UBE2H: variants seen among roughly 807,000 people sequenced by gnomAD.
The protein encoded by UBE2H is ubiquitin conjugating enzyme E2 H.
UBE2H carries 3 observed loss-of-function variants against 29.0 expected under a neutral mutation model. The observed-to-expected ratio is 0.10, with a 90% CI of 0.05 to 0.27. The LOEUF (loss-of-function observed/expected upper bound fraction) is 0.27, where lower values mean the gene tolerates loss of function less well. UBE2H is among the 10% of genes least tolerant of loss of function. The probability of loss-of-function intolerance (pLI) is 1.00; values close to 1 mark genes in which losing one functional copy is unlikely to be tolerated. For missense variants in UBE2H, 68 were observed against 228.2 expected (o/e 0.30, Z 4.52); for synonymous variants, 69 against 82.9 (o/e 0.83, Z 0.91).
intron 5 of UBE2H, among the ~76,000 whole-genome samples, chr7:129,854,145 G>T (rs1340948336): frequency 1.3e-5 from 2 of 150,046 alleles, no homozygotes; most frequent in Admixed American, 1.3e-4. Flanking sequence ...ACCACTGCAG[G>T]AAATGAAGTG....
intron 3 of UBE2H, among the ~76,000 whole-genome samples, chr7:129,863,732 GATGAACACA>G (rs1805842888): frequency 6.6e-6 from 1 of 151,432 alleles, no homozygotes; most frequent in African/African-American, 2.4e-5. Context: ...GCCTTTGAGG[GATGAACACA>G]ACCAGACCAA....
intron 1 of UBE2H, among the ~76,000 whole-genome samples, chr7:129,933,341 G>A (rs1165409461): frequency 6.6e-6 from 1 of 152,152 alleles, no homozygotes; most frequent in African/African-American, 2.4e-5. Flanking sequence ...TTCTAAATTT[G>A]TAAGGAGGAA....
intron 6 of UBE2H, among the ~76,000 whole-genome samples, chr7:129,837,227 G>A (rs1466868475): frequency 1.3e-5 from 2 of 152,196 alleles, no homozygotes; most frequent in African/African-American, 4.8e-5. Context: ...CTCCCTGGAG[G>A]GGACTGACTG....
In UBE2H at chr7:129,887,512, G is replaced by A. The variant is rs563041197; in HGVS notation, c.54-6541C>T. Among the ~76,000 whole-genome samples the A allele has an allele frequency of 8.5e-5, 13 of 152,148 alleles. No homozygotes were observed. The South Asian group carries it at 1.5e-3, about 17-fold the overall frequency. On this transcript the variant is annotated intron_variant, in intron 1 of 6. Transcript: ENST00000355621. ...TGGGATTATGGGAGTGAGCCACCACGCCCAGCTAAAGGTGATACTATTAAT... is the reference window on the plus strand; with the variant it reads ...TGGGATTATGGGAGTGAGCCACCACACCCAGCTAAAGGTGATACTATTAAT...
At chr7:129,931,345 G>A (rs899599543) in intron 1 of UBE2H, among the ~76,000 whole-genome samples, 1 of 151,752 alleles carries the variant, frequency 6.6e-6, no homozygotes, top group South Asian at 2.1e-4. Flanking sequence ...CTGAGATCAC[G>A]CCATGGCACT....
At chr7:129,931,376 A>C (rs569435353) in intron 1 of UBE2H, among the ~76,000 whole-genome samples, 2 of 152,108 alleles carry the variant, frequency 1.3e-5, no homozygotes, top group African/African-American at 4.8e-5. Context: ...CAACAGAGTA[A>C]GACTCTGTCT....
chr7:129,927,408 T>C (rs1317379671), intron 1 of UBE2H, among the ~76,000 whole-genome samples: 5 of 152,034 alleles, frequency 3.3e-5, no homozygotes, highest in African/African-American at 9.7e-5. Context: ...GGCGTGGTGG[T>C]GGACTCCTGT....
At chr7:129,890,372 C>T (rs766700664) in intron 1 of UBE2H, among the ~76,000 whole-genome samples, 1 of 150,930 alleles carries the variant, frequency 6.6e-6, no homozygotes, top group African/African-American at 2.4e-5. Context: ...TATATATACA[C>T]ACACTTATAT....
At chr7:129,872,570 G>A (rs540885401) in intron 3 of UBE2H, among the ~76,000 whole-genome samples, 5 of 151,892 alleles carry the variant, frequency 3.3e-5, no homozygotes, top group Non-Finnish European at 5.9e-5. Context: ...GGCTGGGCGC[G>A]GTGGCTCACG....
intron 1 of UBE2H, among the ~76,000 whole-genome samples, chr7:129,888,564 T>C (rs1243246145): frequency 1.3e-5 from 2 of 152,054 alleles, no homozygotes; most frequent in African/African-American, 4.8e-5. Context: ...AATCTCCGCC[T>C]CCCAGGTTCA....
At chr7:129,877,095 A>G (rs1194814476) in intron 3 of UBE2H, among the ~76,000 whole-genome samples, 3 of 152,208 alleles carry the variant, frequency 2.0e-5, no homozygotes, top group Non-Finnish European at 2.9e-5. Flanking sequence ...ATTTTCTTAC[A>G]TTGCTCTAAT....
At chr7:129,870,457 A>G (rs1292218372) in intron 3 of UBE2H, among the ~76,000 whole-genome samples, 2 of 152,204 alleles carry the variant, frequency 1.3e-5, no homozygotes, top group Non-Finnish European at 1.5e-5. Flanking sequence ...GCTACAAAAA[A>G]TGCAAAAAAA....
At chr7:129,887,824 G>A (rs1048915505) in intron 1 of UBE2H, among the ~76,000 whole-genome samples, 1 of 151,936 alleles carries the variant, frequency 6.6e-6, no homozygotes. Flanking sequence ...CCAAAGTTAC[G>A]GTGAGCTGAG....
chr7:129,930,716 G>A (rs1807372333), intron 1 of UBE2H, among the ~76,000 whole-genome samples: 1 of 149,268 alleles, frequency 6.7e-6, no homozygotes, highest in Admixed American at 6.7e-5. Flanking sequence ...AGACCATCCT[G>A]GCTAACACGG....
chr7:129,867,223 TAAG>T (rs1248755036), intron 3 of UBE2H, among the ~76,000 whole-genome samples: 1 of 152,186 alleles, frequency 6.6e-6, no homozygotes, highest in Admixed American at 6.5e-5. Context: ...TATTTATTAT[TAAG>T]AAGACCATCC....
chr7:129,833,063 C>G lies in UBE2H; in HGVS notation c.*1874G>C, dbSNP rs878952624. 6.6e-6 allele frequency: 1 copy of G among 151,460 alleles called. No individual in the cohort carries two copies. The highest frequency in any genetic ancestry group is 1.5e-5 in the Non-Finnish European group (1 of 67,946). 9.4% of individuals were successfully genotyped at this position (151,460 alleles called of 1,614,324 possible). A position where few individuals can be genotyped will look rare whatever the true frequency, so the allele number is the denominator to read the frequency against. On this transcript the variant is annotated 3_prime_UTR_variant, in exon 7 of 7. Transcript: ENST00000355621. ...CAGATGCTAGATGGATAACTCAGTA[C>G]GGTTAACTAACCACAGCCCTACATC... is the stretch of plus-strand genomic sequence containing the variant.
At chr7:129,943,195 G>T (rs1466306351) in intron 1 of UBE2H, among the ~76,000 whole-genome samples, 1 of 151,354 alleles carries the variant, frequency 6.6e-6, no homozygotes. Flanking sequence ...TTTAGACAGG[G>T]CCTTGCCCTG....
At chr7:129,911,617 C>T (rs2116448465) in intron 1 of UBE2H, among the ~76,000 whole-genome samples, 1 of 152,096 alleles carries the variant, frequency 6.6e-6, no homozygotes, top group African/African-American at 2.4e-5. Flanking sequence ...AACAACTCAA[C>T]TAAAAATGCA....
At chr7:129,879,449 A>G (rs1346526092) in intron 3 of UBE2H, 119 bp downstream of exon 3, 7 of 1,001,554 alleles carry the variant, frequency 7.0e-6, no homozygotes, top group Non-Finnish European at 1.1e-5. Context: ...ACCAAAGCCA[A>G]AAAAGGAAAA....
Sources: allele counts gnomAD v4.1 joint callset (sites outside exome capture counted in the v4.1 genomes callset), GRCh38; gene constraint gnomAD v4.1.1; transcripts MANE v1.5; gene names NCBI Gene and HGNC (gene_info 2026-07-23, HGNC 2026-07-21).